VCPKMT: variants seen among roughly 807,000 people sequenced by gnomAD.
The protein encoded by VCPKMT is valosin containing protein lysine methyltransferase, also known as protein N-lysine methyltransferase METTL21D.
In VCPKMT, 32 loss-of-function variants were observed where a neutral mutation model predicts 28.6. The ratio of observed to expected loss-of-function variants is 1.12; its 90% CI spans 0.84 to 1.50. VCPKMT has a LOEUF of 1.50. Among genes scored for constraint, VCPKMT ranks in the 40% most tolerant of loss-of-function variants. The pLI, the probability that VCPKMT is intolerant of heterozygous loss-of-function variation, is 0.00. For missense variants in VCPKMT, 366 were observed against 285.0 expected, an observed-to-expected ratio of 1.28 and a Z score of -2.05; for synonymous variants, 138 against 111.4, an observed-to-expected ratio of 1.24 and a Z score of -1.50.
At chr14:50,112,588 G>C in intron 5 of VCPKMT, 27 bp downstream of exon 5, 2 of 1,414,828 alleles carry the variant, frequency 1.4e-6, no homozygotes, top group South Asian at 2.5e-5. Flanking sequence ...CCTCCTTGGA[G>C]AATGAAGAAC....
chr14:50,106,266 C>CT (rs1882315188), downstream of VCPKMT, among the ~76,000 whole-genome samples: 1 of 152,128 alleles, frequency 6.6e-6, no homozygotes, highest in Non-Finnish European at 1.5e-5. Context: ...GAAACACTGC[C>CT]TTACTATGGG....
At position 50,109,657 on chromosome 14, in the gene VCPKMT, T is replaced by G. The variant is rs1226191896; in HGVS notation, c.*42A>C. ...CACATGCTCTATTCACATCTTTAGT[T>G]TACCCAGGTTGTTAGAGCCTTGGGT... is the stretch of plus-strand genomic sequence containing the variant. On this transcript the variant is annotated 3_prime_UTR_variant, in exon 6 of 6. Transcript: ENST00000395860. 9.5e-6 allele frequency: 15 copies of G among 1,585,398 alleles called. No individual in the cohort carries two copies. The highest frequency in any genetic ancestry group is 1.2e-5 in the Non-Finnish European group (14 of 1,168,408).
In VCPKMT at chr14:50,116,396, G is replaced by A. The variant is rs780592658; in HGVS notation, c.157C>T (p.Leu53=). 3 of 1,613,928 alleles carry A rather than the reference G, an allele frequency of 1.9e-6. No individual in the cohort carries two copies. The highest frequency in any genetic ancestry group is 2.5e-6 in the Non-Finnish European group (3 of 1,179,926). Residue 53 remains leucine (L), a synonymous_variant, in exon 1 of 6, where the codon CTG becomes TTG. Coordinates refer to ENST00000395860, the MANE Select transcript of VCPKMT (RefSeq NM_024558.3). ...WDAAIVLSKY[L]ETPEFSGDGA... is the part of the protein sequence containing the mutation. ...TCGCCAGAAAACTCGGGCGTTTCCA[G>A]GTATTTAGAAAGGACAATGGCAGCG... is the stretch of plus-strand genomic sequence containing the variant.
At chr14:50,106,377 T>C (rs953782630), downstream of VCPKMT, among the ~76,000 whole-genome samples, 41 of 152,218 alleles carry the variant, frequency 2.7e-4, no homozygotes, top group African/African-American at 9.6e-4. Flanking sequence ...GGCCAAGGCA[T>C]TGGCAGTCCC....
chr14:50,107,947 C>G (rs1449228491), downstream of VCPKMT, among the ~76,000 whole-genome samples: 3 of 152,006 alleles, frequency 2.0e-5, no homozygotes, highest in Non-Finnish European at 2.9e-5. Context: ...CCAGCACTTT[C>G]CGGGGCTAAG....
At chr14:50,116,028 A>G in intron 2 of VCPKMT, 41 bp downstream of exon 2, 1 of 1,595,988 alleles carries the variant, frequency 6.3e-7, no homozygotes, top group Non-Finnish European at 8.6e-7. Flanking sequence ...AAAACAAACT[A>G]CAAATCAATA....
Position 50,111,439 on chromosome 14 carries a change from A to C in VCPKMT, c.675+1176T>G, listed in dbSNP as rs185239730. On this transcript the variant is annotated intron_variant, in intron 5 of 5. Transcript: ENST00000395860. Reference sequence around the variant, plus strand: ...ATTTGCTTTTGACTAGAATTCATATAATCAGAAAACTTTACCACAAACATA... The same window carrying C: ...ATTTGCTTTTGACTAGAATTCATATCATCAGAAAACTTTACCACAAACATA... 2.9e-4 allele frequency: 287 copies of C among 985,452 alleles called. 3 individuals carry two copies. Among genetic ancestry groups the C allele is most frequent in the Non-Finnish European group, 1.8e-4 (148 of 829,930 alleles). 61.0% of individuals were successfully genotyped at this position (985,452 alleles called of 1,614,324 possible). A position where few individuals can be genotyped will look rare whatever the true frequency, so the allele number is the denominator to read the frequency against.
intron 5 of VCPKMT, chr14:50,111,355 C>T: frequency 1.0e-6 from 1 of 985,336 alleles, no homozygotes; most frequent in Non-Finnish European, 1.2e-6. Flanking sequence ...CTGAATAATC[C>T]CGCTGCTGCC....
At position 50,116,344 on chromosome 14, in the gene VCPKMT, G is replaced by A. The variant is rs200798867; in HGVS notation, c.209C>T (p.Ser70Leu). The A allele has an allele frequency of 8.4e-5, 135 of 1,609,410 alleles. 1 individual carries two copies. The Middle Eastern group carries it at 1.7e-3, about 20-fold the overall frequency. Reference sequence around the variant, plus strand: ...GGTGCCCGAACCCAGCTCCAGCACCGACCGCCGGCTCAGCGCGTGGGCCCC... The same window carrying A: ...GGTGCCCGAACCCAGCTCCAGCACCAACCGCCGGCTCAGCGCGTGGGCCCC... ...GDGAHALSRR[S>L]VLELGSGTGA... The change falls in exon 1 of 6, where the codon TCG becomes TTG. Residue 70 changes from serine to leucine, a missense_variant. Ser to Leu is a moderately radical substitution (Grantham distance 145). Transcript: ENST00000395860.
chr14:50,114,958 CT>C (rs1883000957), intron 3 of VCPKMT, among the ~76,000 whole-genome samples: 1 of 152,146 alleles, frequency 6.6e-6, no homozygotes, highest in Non-Finnish European at 1.5e-5. Flanking sequence ...ATTCAGATGA[CT>C]GCATTTTGGA....
At chr14:50,103,225 C>T in the VCPKMT span, among the ~76,000 whole-genome samples, 1 of 152,118 alleles carries the variant, frequency 6.6e-6, no homozygotes, top group Non-Finnish European at 1.5e-5. Context: ...TTTTGTCATT[C>T]TTGTCTGTTA....
downstream of VCPKMT, among the ~76,000 whole-genome samples, chr14:50,104,911 T>C (rs1184305855): frequency 6.6e-6 from 1 of 152,184 alleles, no homozygotes; most frequent in Admixed American, 6.5e-5. Flanking sequence ...ACGTAGCTTT[T>C]TGAATGATAT....
chr14:50,114,277 ATACT>A lies in VCPKMT; in HGVS notation c.570+4_570+7del, dbSNP rs761853071. On this transcript the variant is annotated splice_donor_5th_base_variant and intron_variant, in intron 4 of 5. Transcript: ENST00000395860. ...CACTACAAAGATAATAGAGTACTTA[ATACT>A]TACCTCAAAATATTTTTTCTCAATT... 173 of 1,581,766 alleles carry A rather than the reference ATACT, an allele frequency of 1.1e-4. No homozygotes were observed. The highest frequency in any genetic ancestry group is 7.2e-4 in the Middle Eastern group (4 of 5,560).
chr14:50,112,401 A>G (rs1439698222), intron 5 of VCPKMT, among the ~76,000 whole-genome samples: 3 of 148,202 alleles, frequency 2.0e-5, no homozygotes, highest in African/African-American at 5.0e-5. Context: ...ACGAGAAAAA[A>G]AAAAAAAAAA....
rs151298235 is a variant in VCPKMT at position 50,112,247 on chromosome 14, C to T, written c.675+368G>A. ...CGCCTATGGAGAAGCTGGAAAAGGC[C>T]TTTAAAAGCGAAGCCTGGCCAGGTA... On this transcript the variant is annotated intron_variant, in intron 5 of 5. Transcript: ENST00000395860. 2.3e-3 allele frequency among the ~76,000 whole-genome samples: 357 copies of T among 152,090 alleles called. 3 individuals are homozygous for T. The highest frequency in any genetic ancestry group is 8.0e-3 in the African/African-American group (331 of 41,502).
At chr14:50,107,090 T>C (rs563472474), downstream of VCPKMT, among the ~76,000 whole-genome samples, 27 of 152,288 alleles carry the variant, frequency 1.8e-4, no homozygotes, top group South Asian at 3.7e-3. Context: ...AAGACTAAAT[T>C]ACATTCCCTA....
rs1166851699 is a variant in VCPKMT at position 50,108,763 on chromosome 14, G to C, written c.*936C>G. ...TGATTAAAGTCCTTGACAGATTATT[G>C]TATATGAGCGAATGGCTTCATAACA... On this transcript the variant is annotated 3_prime_UTR_variant, in exon 6 of 6. Transcript: ENST00000395860. The C allele has an allele frequency of 1.0e-6, 1 of 985,588 alleles. No homozygotes were observed. Among genetic ancestry groups the C allele is most frequent in the African/African-American group, 1.7e-5 (1 of 57,212 alleles). 61.1% of individuals were successfully genotyped at this position (985,588 alleles called of 1,614,324 possible).
At chr14:50,102,885 T>C in the VCPKMT span, among the ~76,000 whole-genome samples, 8 of 152,350 alleles carry the variant, frequency 5.3e-5, no homozygotes, top group Non-Finnish European at 8.8e-5. Flanking sequence ...TGACAATATT[T>C]TCCATTAATT....
chr14:50,109,442 C>G lies in VCPKMT; in HGVS notation c.*257G>C. The G allele has an allele frequency of 8.3e-7, 1 of 1,201,876 alleles. No homozygotes were observed. Among genetic ancestry groups the G allele is most frequent in the Non-Finnish European group, 1.0e-6 (1 of 968,894 alleles). The allele number at this position is 1,201,876 out of a possible 1,614,324, so 74.5% of individuals were successfully genotyped here. On this transcript the variant is annotated 3_prime_UTR_variant, in exon 6 of 6. Coordinates refer to ENST00000395860, the MANE Select transcript of VCPKMT (RefSeq NM_024558.3). ...CCAATTTTTATTTGAATAACTGATT[C>G]CCAACATTTAAGAAGAACTTGATGC...
Sources: allele counts gnomAD v4.1 joint callset (sites outside exome capture counted in the v4.1 genomes callset), GRCh38; gene constraint gnomAD v4.1.1; transcripts MANE v1.5; gene names NCBI Gene and HGNC (gene_info 2026-07-23, HGNC 2026-07-21).